Variants in ACAA2 observed in about 807,000 individuals in gnomAD.
ACAA2 encodes the protein 3-ketoacyl-CoA thiolase, mitochondrial.
In ACAA2, 35 loss-of-function variants were observed where a neutral mutation model predicts 44.8. The observed-to-expected ratio is 0.78, with a 90% CI of 0.60 to 1.04. The LOEUF is 1.04. ACAA2 is among the 50% of genes least tolerant of loss of function. ACAA2 has a pLI of 0.00. For missense variants in ACAA2, 468 were observed against 482.6 expected, an observed-to-expected ratio of 0.97 and a Z score of 0.28; for synonymous variants, 142 against 166.5, an observed-to-expected ratio of 0.85 and a Z score of 1.13.
At chr18:49,801,301 G>C (rs2023544926) in intron 2 of ACAA2, among the ~76,000 whole-genome samples, 1 of 152,104 alleles carries the variant, frequency 6.6e-6, no homozygotes, top group Non-Finnish European at 1.5e-5. Context: ...AAGAAAAACT[G>C]TCTTTAGGAA....
chr18:49,784,157 G>A (rs1386063828), intron 9 of ACAA2, among the ~76,000 whole-genome samples: 1 of 152,102 alleles, frequency 6.6e-6, no homozygotes, highest in East Asian at 1.9e-4. Flanking sequence ...AACACCAGAA[G>A]AGGGAGGCAA....
rs556846216 is a variant in ACAA2, at chr18:49,799,389, A to AT, written c.184-1796dup. On this transcript the variant is annotated intron_variant, in intron 2 of 9. Coordinates refer to ENST00000285093, the MANE Select transcript of ACAA2 (RefSeq NM_006111.3). ...GCCGCCACGCCTGACTGGTTTTCGT[A>AT]TTTTTTTGGTGGAGACGGGGTTTCG... Among the ~76,000 whole-genome samples the AT allele has an allele frequency of 1.2e-3, 161 of 137,990 alleles. 3 individuals are homozygous for AT. In the East Asian group the frequency reaches 0.031, roughly 26 times the overall value. The allele number at this position is 137,990 out of a possible 152,430, so 90.5% of individuals were successfully genotyped here.
At chr18:49,793,459 T>C (rs940882674) in intron 5 of ACAA2, among the ~76,000 whole-genome samples, 2 of 152,194 alleles carry the variant, frequency 1.3e-5, no homozygotes, top group African/African-American at 4.8e-5. Flanking sequence ...TTGTGCGTGG[T>C]AGAAGTAGAA....
At chr18:49,800,482 A>C (rs1473403885) in intron 2 of ACAA2, among the ~76,000 whole-genome samples, 1 of 152,190 alleles carries the variant, frequency 6.6e-6, no homozygotes, top group African/African-American at 2.4e-5. Context: ...AGGGATTGAG[A>C]AATCGGATGG....
rs781593065 is a variant in ACAA2, at chr18:49,787,283, A to AAAAC, written c.954+7_954+8insGTTT. 5 of 1,454,252 alleles carry AAAAC rather than the reference A, an allele frequency of 3.4e-6. No homozygotes were observed. In the South Asian group the frequency reaches 7.4e-5, roughly 21 times the overall value. The allele number at this position is 1,454,252 out of a possible 1,614,324, so 90.1% of individuals were successfully genotyped here. A position where few individuals can be genotyped will look rare whatever the true frequency, so the allele number is the denominator to read the frequency against. ...GTTAAAAAAAAAAAAAAAAAAAAAA[A>AAAAC]CACTTACCTCTACCAAATCCATGTC... On this transcript the variant is annotated splice_region_variant and intron_variant, in intron 8 of 9. Coordinates refer to ENST00000285093, the MANE Select transcript of ACAA2 (RefSeq NM_006111.3).
chr18:49,801,670 A>C (rs1018875066), intron 2 of ACAA2, among the ~76,000 whole-genome samples: 6 of 151,252 alleles, frequency 4.0e-5, no homozygotes, highest in Non-Finnish European at 7.4e-5. Context: ...TTCTGTGTCC[A>C]TTGTCATTCT....
At chr18:49,801,560 G>T (rs938302599) in intron 2 of ACAA2, among the ~76,000 whole-genome samples, 8 of 151,834 alleles carry the variant, frequency 5.3e-5, no homozygotes, top group Non-Finnish European at 1.2e-4. Context: ...AGGTTCAACA[G>T]ACATAACTGC....
intron 1 of ACAA2, among the ~76,000 whole-genome samples, chr18:49,808,491 A>C (rs1034522076): frequency 2.0e-5 from 3 of 152,162 alleles, no homozygotes; most frequent in African/African-American, 2.4e-5. Flanking sequence ...TGTAGGTTCT[A>C]TTTTCCTTAA....
At chr18:49,792,602 G>T (rs2023416828) in intron 5 of ACAA2, among the ~76,000 whole-genome samples, 1 of 152,036 alleles carries the variant, frequency 6.6e-6, no homozygotes, top group Admixed American at 6.6e-5. Flanking sequence ...CCACCACCAT[G>T]CCCGGCTAAT....
chr18:49,810,566 T>C (rs373175991), intron 1 of ACAA2, among the ~76,000 whole-genome samples: 3 of 152,162 alleles, frequency 2.0e-5, no homozygotes, highest in Admixed American at 2.0e-4. Flanking sequence ...CCTTTACCTA[T>C]ATTACTTCTT....
In ACAA2 at chr18:49,804,208, G is replaced by A. The variant is rs908597384; in HGVS notation, c.17-1355C>T. ...TTACAGGCGTGAGTCACCCACTCCCGGCCCCAACGAATGATATTTCTTTAT... is the reference window on the plus strand; with the variant it reads ...TTACAGGCGTGAGTCACCCACTCCCAGCCCCAACGAATGATATTTCTTTAT... On this transcript the variant is annotated intron_variant, in intron 1 of 9. Transcript: ENST00000285093. Among the ~76,000 whole-genome samples, 5 of 151,944 alleles carry A rather than the reference G, an allele frequency of 3.3e-5. No individual in the cohort carries two copies. In the East Asian group the frequency reaches 9.6e-4, roughly 29 times the overall value.
At chr18:49,791,425 C>T (rs747505009) in intron 7 of ACAA2, 45 bp downstream of exon 7, 6 of 1,579,916 alleles carry the variant, frequency 3.8e-6, no homozygotes, top group Non-Finnish European at 4.3e-6. Flanking sequence ...AGAAGACTTA[C>T]CTCCAGAAAT....
At chr18:49,800,610 C>G (rs1324205903) in intron 2 of ACAA2, among the ~76,000 whole-genome samples, 1 of 152,178 alleles carries the variant, frequency 6.6e-6, no homozygotes, top group African/African-American at 2.4e-5. Flanking sequence ...CAACCCCGTG[C>G]TCTCTGAAAC....
chr18:49,785,445 TG>T, intron 8 of ACAA2, 94 bp from the exon 9 acceptor site: 1 of 1,217,392 alleles, frequency 8.2e-7, no homozygotes, highest in South Asian at 1.4e-5. Context: ...CTAAGTCTGC[TG>T]TTTCTTCCTA....
intron 5 of ACAA2, among the ~76,000 whole-genome samples, chr18:49,792,696 T>C (rs1310034160): frequency 1.3e-5 from 2 of 152,140 alleles, no homozygotes; most frequent in African/African-American, 2.4e-5. Context: ...TCCACCCTCC[T>C]TGACCTCCCA....
intron 1 of ACAA2, chr18:49,813,138 A>G (rs909606905): frequency 1.6e-5 from 4 of 253,202 alleles, no homozygotes; most frequent in Non-Finnish European, 3.0e-5. Flanking sequence ...GCGCCGCCCC[A>G]TTTTTTCTAA....
intron 2 of ACAA2, among the ~76,000 whole-genome samples, chr18:49,800,004 A>C (rs2023520727): frequency 7.1e-6 from 1 of 141,448 alleles, no homozygotes; most frequent in African/African-American, 2.7e-5. Flanking sequence ...AGAAGTGAGG[A>C]GCCCCTCCGC....
rs1019928690 is a variant in ACAA2, at chr18:49,792,403, T to TA, written c.578-77dup. ...AATAAATCAAACATATTATTCAATT[T>TA]AATTTCTGATCTACCTTTTCCTCAC... On this transcript the variant is annotated intron_variant, in intron 5 of 9. Transcript: ENST00000285093. 1.0e-5 allele frequency: 13 copies of TA among 1,261,708 alleles called. No homozygotes were observed. The African/African-American group carries it at 1.4e-4, about 13-fold the overall frequency. The allele number at this position is 1,261,708 out of a possible 1,614,324, so 78.2% of individuals were successfully genotyped here. A position where few individuals can be genotyped will look rare whatever the true frequency, so the allele number is the denominator to read the frequency against.
Position 49,787,272 on chromosome 18 carries a change from A to AAC in ACAA2, c.954+18_954+19insGT, listed in dbSNP as rs1555789734. On this transcript the variant is annotated intron_variant, in intron 8 of 9. Coordinates refer to ENST00000285093, the MANE Select transcript of ACAA2 (RefSeq NM_006111.3). ...TTATTCATGTTGTTAAAAAAAAAAA[A>AAC]AAAAAAAAAAACACTTACCTCTACC... 0.014 allele frequency: 18,717 copies of AAC among 1,341,226 alleles called. 57 individuals are homozygous for AAC. Among genetic ancestry groups the AAC allele is most frequent in the Middle Eastern group, 0.018 (64 of 3,640 alleles). The allele number at this position is 1,341,226 out of a possible 1,614,324, so 83.1% of individuals were successfully genotyped here.
Sources: gnomAD v4.1 joint callset for allele counts (sites outside exome capture counted in the v4.1 genomes callset) on GRCh38, gnomAD v4.1.1 for gene constraint, MANE v1.5 for transcripts, NCBI Gene and HGNC (gene_info 2026-07-23, HGNC 2026-07-21) for gene names.